The following INTS8 variants were observed in gnomAD, a reference collection of about 807,000 sequenced individuals.
INTS8 encodes integrator complex subunit 8.
In INTS8, 47 loss-of-function variants were observed where a neutral mutation model predicts 138.9. The observed-to-expected ratio is 0.34, with a 90% CI of 0.27 to 0.43. The LOEUF is 0.43. Among genes scored for constraint, INTS8 ranks in the 20% least tolerant of loss-of-function variants. The probability of loss-of-function intolerance (pLI) is 1.00; values close to 1 mark genes in which losing one functional copy is unlikely to be tolerated. For missense variants in INTS8, 996 were observed against 1,173.0 expected, an observed-to-expected ratio of 0.85 and a Z score of 2.20; for synonymous variants, 392 against 400.9, an observed-to-expected ratio of 0.98 and a Z score of 0.27.
intron 8 of INTS8, among the ~76,000 whole-genome samples, chr8:94,839,488 A>G (rs1055187966): frequency 6.6e-5 from 10 of 152,214 alleles, no homozygotes; most frequent in African/African-American, 2.4e-4. Context: ...TTCCAGCTTT[A>G]TAGTTCTCTT....
chr8:94,878,692 CCT>C (rs1335686466), intron 26 of INTS8, among the ~76,000 whole-genome samples: 1 of 152,156 alleles, frequency 6.6e-6, no homozygotes, highest in Non-Finnish European at 1.5e-5. Flanking sequence ...CCCCCTCAGC[CCT>C]CTCTGCCTAG....
intron 10 of INTS8, among the ~76,000 whole-genome samples, chr8:94,848,451 A>G (rs1815410590): frequency 1.3e-5 from 2 of 152,118 alleles, no homozygotes; most frequent in Admixed American, 1.3e-4. Flanking sequence ...TCACTCCAAA[A>G]AGATAATCTC....
At chr8:94,833,388 AT>A (rs1373912860) in intron 6 of INTS8, among the ~76,000 whole-genome samples, 11 of 149,324 alleles carry the variant, frequency 7.4e-5, no homozygotes, top group Admixed American at 2.7e-4. Flanking sequence ...AAAAATTTTA[AT>A]TTTTTTTTTA....
In INTS8 at chr8:94,876,246, G is replaced by A. The variant is rs202144148; in HGVS notation, c.2788G>A (p.Asp930Asn). The change falls in exon 25 of 27, where the codon GAC becomes AAC. Residue 930 changes from aspartate to asparagine, a missense_variant. By Grantham distance (23) the Asp-to-Asn change is conservative. Coordinates refer to ENST00000523731, the MANE Select transcript of INTS8 (RefSeq NM_017864.4). ...NSHDAMDSYY[D>N]YIWDVTILEY... ...TCATGATGCTATGGACTCCTACTACGACTACATATGGGATGTTACCATTTT... is the reference window on the plus strand; with the variant it reads ...TCATGATGCTATGGACTCCTACTACAACTACATATGGGATGTTACCATTTT... 33 of 1,612,532 alleles carry A rather than the reference G, an allele frequency of 2.0e-5. No individual in the cohort carries two copies. Among genetic ancestry groups the A allele is most frequent in the Non-Finnish European group, 2.6e-5 (31 of 1,179,070 alleles).
chr8:94,842,400 G>T lies in INTS8; in HGVS notation c.1172G>T (p.Arg391Leu). ...AAAGTTTGTGCCTGTAATACAGTCC[G>T]TGATATACTGGAAGGCAGAACAATT... is the stretch of plus-strand genomic sequence containing the variant. Reference protein sequence around the residue: ...CFKVCACNTVRDILEGRTISV... With the variant: ...CFKVCACNTVLDILEGRTISV... Residue 391 changes from arginine (R) to leucine (L), a missense_variant, in exon 10 of 27, where the codon CGT becomes CTT. Transcript: ENST00000523731. The T allele has an allele frequency of 6.2e-7, 1 of 1,603,248 alleles. No individual in the cohort carries two copies. The highest frequency in any genetic ancestry group is 8.5e-7 in the Non-Finnish European group (1 of 1,170,492).
intron 18 of INTS8, chr8:94,866,875 C>T: frequency 2.7e-6 from 1 of 376,096 alleles, no homozygotes. Flanking sequence ...ACTTGAGAGT[C>T]ATGTGAGGAG....
At position 94,881,254 on chromosome 8, in the gene INTS8, A is replaced by G; in HGVS notation, c.*1020A>G. Reference sequence around the variant, plus strand: ...GATTCAAAGTACTGTATCACTTAGTATACCCTTTAAGGTAGCACTTATCCA... The same window carrying G: ...GATTCAAAGTACTGTATCACTTAGTGTACCCTTTAAGGTAGCACTTATCCA... On this transcript the variant is annotated 3_prime_UTR_variant, in exon 27 of 27. Coordinates refer to ENST00000523731, the MANE Select transcript of INTS8 (RefSeq NM_017864.4). 2.8e-6 allele frequency: 1 copy of G among 352,698 alleles called. No individual in the cohort carries two copies. The highest frequency in any genetic ancestry group is 5.0e-6 in the Non-Finnish European group (1 of 198,336). The allele number at this position is 352,698 out of a possible 1,614,324, so 21.8% of individuals were successfully genotyped here.
intron 5 of INTS8, among the ~76,000 whole-genome samples, chr8:94,831,673 G>A (rs980469199): frequency 6.6e-6 from 1 of 151,236 alleles, no homozygotes; most frequent in African/African-American, 2.4e-5. Flanking sequence ...GTAGAGATGA[G>A]GTTTCACCCT....
chr8:94,870,236 A>G (rs995130603), intron 20 of INTS8, among the ~76,000 whole-genome samples: 2 of 151,982 alleles, frequency 1.3e-5, no homozygotes, highest in African/African-American at 2.4e-5. Flanking sequence ...TATTTTTAGT[A>G]GAGACGGGGT....
At chr8:94,825,653 T>A (rs1380838857) in intron 2 of INTS8, among the ~76,000 whole-genome samples, 1 of 152,130 alleles carries the variant, frequency 6.6e-6, no homozygotes, top group African/African-American at 2.4e-5. Flanking sequence ...TGGTCATAAA[T>A]CACTATCTCC....
intron 26 of INTS8, among the ~76,000 whole-genome samples, chr8:94,879,032 T>C (rs1026041987): frequency 6.6e-6 from 1 of 152,230 alleles, no homozygotes; most frequent in African/African-American, 2.4e-5. Flanking sequence ...TTGATTACTG[T>C]CCACATGGGG....
intron 16 of INTS8, chr8:94,859,843 A>G: frequency 2.1e-6 from 1 of 483,320 alleles, no homozygotes; most frequent in Non-Finnish European, 3.8e-6. Context: ...ATTCATGAGC[A>G]TGTAGTCACA....
At chr8:94,855,082 C>T (rs1815696670) in intron 14 of INTS8, among the ~76,000 whole-genome samples, 1 of 152,098 alleles carries the variant, frequency 6.6e-6, no homozygotes, top group South Asian at 2.1e-4. Context: ...GGGCCCTGTC[C>T]TAGACCTAAT....
chr8:94,855,839 G>C (rs1157353876), intron 14 of INTS8, among the ~76,000 whole-genome samples: 1 of 152,256 alleles, frequency 6.6e-6, no homozygotes, highest in African/African-American at 2.4e-5. Context: ...GAGAGTCAGA[G>C]AACAAGTGGC....
At chr8:94,850,607 G>C (rs1025262825) in intron 12 of INTS8, among the ~76,000 whole-genome samples, 2 of 80,842 alleles carry the variant, frequency 2.5e-5, no homozygotes, top group Non-Finnish European at 4.7e-5. Context: ...GCGAGACTCC[G>C]ACTCAAAAAA....
chr8:94,878,111 C>T (rs1409425590), intron 26 of INTS8, among the ~76,000 whole-genome samples: 1 of 152,130 alleles, frequency 6.6e-6, no homozygotes, highest in East Asian at 1.9e-4. Context: ...AGCCCTAGCC[C>T]TGCATAAGTC....
At chr8:94,840,911 TA>T (rs1486574451) in intron 8 of INTS8, among the ~76,000 whole-genome samples, 12 of 145,830 alleles carry the variant, frequency 8.2e-5, no homozygotes, top group African/African-American at 2.3e-4. Flanking sequence ...GAGAGAATAA[TA>T]ATTTTTTTTT....
At chr8:94,834,359 A>ATGGG in intron 6 of INTS8, among the ~76,000 whole-genome samples, 1 of 115,454 alleles carries the variant, frequency 8.7e-6, no homozygotes, top group South Asian at 3.1e-4. Context: ...ATATATGTGC[A>ATGGG]TGGGTGTGTG....
At chr8:94,873,568 T>C in intron 22 of INTS8, 91 bp downstream of exon 22, 1 of 775,266 alleles carries the variant, frequency 1.3e-6, no homozygotes, top group Non-Finnish European at 2.3e-6. Flanking sequence ...CATTTCCTTG[T>C]AATGTGATCG....
Sources: gnomAD v4.1 joint callset for allele counts (sites outside exome capture counted in the v4.1 genomes callset) on GRCh38, gnomAD v4.1.1 for gene constraint, MANE v1.5 for transcripts, NCBI Gene and HGNC (gene_info 2026-07-23, HGNC 2026-07-21) for gene names.